CARS1: variants seen among roughly 807,000 people sequenced by gnomAD.
CARS1 encodes cysteine--tRNA ligase, cytoplasmic.
Under a neutral mutation model 106.2 loss-of-function variants are expected in CARS1, and 48 were observed. The ratio of observed to expected loss-of-function variants is 0.45; its 90% CI spans 0.36 to 0.57. The LOEUF (loss-of-function observed/expected upper bound fraction) is 0.57. Ranked by LOEUF, CARS1 falls within the 20% of genes least tolerant of loss-of-function variation. The probability of loss-of-function intolerance (pLI) is 0.00; values close to 1 mark genes in which losing one functional copy is unlikely to be tolerated. For synonymous variants in CARS1, 409 were observed against 403.4 expected, an observed-to-expected ratio of 1.01 and a Z score of -0.17; for missense variants, 968 against 1,057.2, an observed-to-expected ratio of 0.92 and a Z score of 1.17.
At position 3,041,945 on chromosome 11, in the gene CARS1, G is replaced by A. The variant is rs911182085; in HGVS notation, c.366+220C>T. Among the ~76,000 whole-genome samples, 2 of 152,202 alleles carry A rather than the reference G, an allele frequency of 1.3e-5. No individual in the cohort carries two copies. Among genetic ancestry groups the A allele is most frequent in the African/African-American group, 2.4e-5 (1 of 41,444 alleles). On this transcript the variant is annotated intron_variant, in intron 3 of 22. Coordinates refer to ENST00000380525, the MANE Select transcript of CARS1 (RefSeq NM_001014437.3). The surrounding 1 kb of genome is among the most constrained non-coding windows in gnomAD (Gnocchi z 4.9). ...AGTCATGGGCAGGCTTCCACATGAG[G>A]CATGATACTTCACGTGTCTGGGTTT...
intron 10 of CARS1, among the ~76,000 whole-genome samples, chr11:3,026,352 C>T (rs1484635770): frequency 2.0e-5 from 3 of 152,120 alleles, no homozygotes; most frequent in Non-Finnish European, 2.9e-5. Flanking sequence ...TGGAACATTC[C>T]CAATGCAAAG....
intron 10 of CARS1, among the ~76,000 whole-genome samples, chr11:3,024,475 T>C (rs1167752148): frequency 2.6e-5 from 4 of 152,118 alleles, no homozygotes; most frequent in Admixed American, 2.0e-4. Context: ...TGAGACAGAG[T>C]CTTGCTCTGT....
Position 3,022,865 on chromosome 11 carries a change from T to C in CARS1, c.1154-2533A>G, listed in dbSNP as rs2134165500. On this transcript the variant is annotated intron_variant, in intron 10 of 22. Transcript: ENST00000380525. This position sits in a 1 kb window ranked among gnomAD's most constrained non-coding sequence, Gnocchi z 4.9. ...CACCCCTCCCCTTTTCCTCTACCAT[T>C]AGAGTCCCCATGGCGAGGAGCACAT... Among the ~76,000 whole-genome samples the C allele has an allele frequency of 6.6e-6, 1 of 152,232 alleles. No homozygotes were observed. The highest frequency in any genetic ancestry group is 1.9e-4 in the East Asian group (1 of 5,160).
rs572460147 is a variant in CARS1 at position 3,034,157 on chromosome 11, G to A, written c.801+3893C>T. Among the ~76,000 whole-genome samples the A allele has an allele frequency of 9.9e-5, 15 of 151,048 alleles. No individual in the cohort carries two copies. In the South Asian group the frequency reaches 1.3e-3, roughly 13 times the overall value. On this transcript the variant is annotated intron_variant, in intron 7 of 22. Transcript: ENST00000380525. The surrounding 1 kb of genome is among the most constrained non-coding windows in gnomAD (Gnocchi z 6.3). The stretch of plus-strand genomic sequence containing the variant: ...GCCAACATGTAACAGAGATGAATTC[G>A]TGTCTTAGTCTGTTTTCTGTTTTTT...
rs16929039 is a variant in CARS1 at position 3,022,747 on chromosome 11, G to C, written c.1154-2415C>G. ...AGGCCTTCCTGCCACGTGCCTTCCC[G>C]AGTGGTCTGCATGGCCCATCTGCCT... On this transcript the variant is annotated intron_variant, in intron 10 of 22. Transcript: ENST00000380525. The surrounding 1 kb of genome is among the most constrained non-coding windows in gnomAD (Gnocchi z 4.9). Among the ~76,000 whole-genome samples the C allele has an allele frequency of 0.099, 14,999 of 152,208 alleles. 841 individuals carry two copies. Among genetic ancestry groups the C allele is most frequent in the African/African-American group, 0.14 (5,685 of 41,496 alleles).
intron 1 of CARS1, among the ~76,000 whole-genome samples, chr11:3,049,729 G>A (rs1855466478): frequency 6.6e-6 from 1 of 152,196 alleles, no homozygotes; most frequent in Admixed American, 6.5e-5. Context: ...TCACAGCCAT[G>A]GGGCGTGGAT....
chr11:3,047,596 G>A (rs552171743), intron 2 of CARS1, among the ~76,000 whole-genome samples, 157 bp downstream of exon 2: 26 of 152,334 alleles, frequency 1.7e-4, no homozygotes, highest in African/African-American at 5.8e-4. Flanking sequence ...TCCAGCAAGC[G>A]CTGCATCTGC....
chr11:3,037,984 G>T lies in CARS1; in HGVS notation c.801+66C>A. ...TCTGTGGAATCAATCCGTGCACACA[G>T]ATCAGTCTATGCACGGCCCGACATT... On this transcript the variant is annotated intron_variant, in intron 7 of 22. Coordinates refer to ENST00000380525, the MANE Select transcript of CARS1 (RefSeq NM_001014437.3). This position sits in a 1 kb window ranked among gnomAD's most constrained non-coding sequence, Gnocchi z 5.9. 2.1e-6 allele frequency: 3 copies of T among 1,449,156 alleles called. No individual in the cohort carries two copies. The highest frequency in any genetic ancestry group is 1.2e-5 in the South Asian group (1 of 82,908). 89.8% of individuals were successfully genotyped at this position (1,449,156 alleles called of 1,614,324 possible). A position where few individuals can be genotyped will look rare whatever the true frequency, so the allele number is the denominator to read the frequency against.
intron 7 of CARS1, among the ~76,000 whole-genome samples, chr11:3,033,639 C>T (rs1425523329): frequency 6.6e-6 from 1 of 151,866 alleles, no homozygotes; most frequent in East Asian, 1.9e-4. Flanking sequence ...AGCTAAACTG[C>T]TAAATGAGAC....
chr11:3,056,372 G>A (rs1406487446), intron 1 of CARS1, among the ~76,000 whole-genome samples: 1 of 152,216 alleles, frequency 6.6e-6, no homozygotes, highest in Non-Finnish European at 1.5e-5. Flanking sequence ...TTAGGAATCT[G>A]GGCTTTCTGA....
chr11:3,017,546 G>GGC lies in CARS1; in HGVS notation c.1728-253_1728-252dup, dbSNP rs1490890680. The GGC allele has an allele frequency of 1.8e-6, 1 of 559,890 alleles. No individual in the cohort carries two copies. The highest frequency in any genetic ancestry group is 2.9e-5 in the East Asian group (1 of 34,468). The allele number at this position is 559,890 out of a possible 1,614,324, so 34.7% of individuals were successfully genotyped here. On this transcript the variant is annotated intron_variant, in intron 15 of 22. Transcript: ENST00000380525. This position sits in a 1 kb window ranked among gnomAD's most constrained non-coding sequence, Gnocchi z 4.9. Reference sequence around the variant, plus strand: ...TAACCCCAGCTACTCGGGAGGCTGAGGCAGGAGAATCGCTCGAACCCGGGA... The same window carrying GGC: ...TAACCCCAGCTACTCGGGAGGCTGAGGCGCAGGAGAATCGCTCGAACCCGGGA...
rs1854684110 is a variant in CARS1, at chr11:3,043,018, T to C, written c.275-762A>G. Among the ~76,000 whole-genome samples, 1 of 152,138 alleles carries C rather than the reference T, an allele frequency of 6.6e-6. No individual in the cohort carries two copies. The highest frequency in any genetic ancestry group is 1.5e-5 in the Non-Finnish European group (1 of 68,008). ...CAGACACTGGGCTTCAAGCTCCACA[T>C]AGGTCTATACTGCCTTCATAAATAA... On this transcript the variant is annotated intron_variant, in intron 2 of 22. Coordinates refer to ENST00000380525, the MANE Select transcript of CARS1 (RefSeq NM_001014437.3). This position sits in a 1 kb window ranked among gnomAD's most constrained non-coding sequence, Gnocchi z 4.0.
chr11:3,017,371 A>T lies in CARS1; in HGVS notation c.1728-76T>A, dbSNP rs114108110. 6.2e-4 allele frequency: 839 copies of T among 1,343,754 alleles called. 4 individuals are homozygous for T. The African/African-American group carries it at 0.011, about 18-fold the overall frequency. The allele number at this position is 1,343,754 out of a possible 1,614,324, so 83.2% of individuals were successfully genotyped here. On this transcript the variant is annotated intron_variant, in intron 15 of 22. Coordinates refer to ENST00000380525, the MANE Select transcript of CARS1 (RefSeq NM_001014437.3). This position sits in a 1 kb window ranked among gnomAD's most constrained non-coding sequence, Gnocchi z 4.9. The stretch of plus-strand genomic sequence containing the variant: ...AGAAATTCCCCATGTGGCCAGGCGC[A>T]GTGGCTCACGCCTATAATCCCAGCA...
chr11:3,040,118 T>A lies in CARS1; in HGVS notation c.456-187A>T, dbSNP rs1304622300. On this transcript the variant is annotated intron_variant, in intron 4 of 22. Coordinates refer to ENST00000380525, the MANE Select transcript of CARS1 (RefSeq NM_001014437.3). The surrounding 1 kb of genome is among the most constrained non-coding windows in gnomAD (Gnocchi z 5.8). ...AAGATGGCAAGGATGATGACCTTTA[T>A]AATGATCCACTTCCACCTAATGAAT... 4 of 532,504 alleles carry A rather than the reference T, an allele frequency of 7.5e-6. No homozygotes were observed. In the East Asian group the frequency reaches 1.3e-4, roughly 17 times the overall value. The allele number at this position is 532,504 out of a possible 1,614,324, so 33.0% of individuals were successfully genotyped here. A position where few individuals can be genotyped will look rare whatever the true frequency, so the allele number is the denominator to read the frequency against.
At chr11:3,035,044 C>T (rs768691850) in intron 7 of CARS1, among the ~76,000 whole-genome samples, 22 of 152,102 alleles carry the variant, frequency 1.4e-4, no homozygotes, top group Non-Finnish European at 3.1e-4. Flanking sequence ...AACTACCCCA[C>T]TTCTGTGATA....
At position 3,029,499 on chromosome 11, in the gene CARS1, T is replaced by G. The variant is rs555085458; in HGVS notation, c.802-56A>C. The G allele has an allele frequency of 4.7e-5, 74 of 1,591,020 alleles. No individual in the cohort carries two copies. The highest frequency in any genetic ancestry group is 6.3e-5 in the Non-Finnish European group (74 of 1,168,152). On this transcript the variant is annotated intron_variant, in intron 7 of 22. Transcript: ENST00000380525. This position sits in a 1 kb window ranked among gnomAD's most constrained non-coding sequence, Gnocchi z 5.9. The stretch of plus-strand genomic sequence containing the variant: ...GGGCCACACACTTCACATGAGAACA[T>G]CTCGTGCAGCTGGTGTGAGCCCATC...
At position 3,041,182 on chromosome 11, in the gene CARS1, C is replaced by A; in HGVS notation, c.367-198G>T. On this transcript the variant is annotated intron_variant, in intron 3 of 22. Coordinates refer to ENST00000380525, the MANE Select transcript of CARS1 (RefSeq NM_001014437.3). The surrounding 1 kb of genome is among the most constrained non-coding windows in gnomAD (Gnocchi z 4.9). Reference sequence around the variant, plus strand: ...TGTACGGCACCTCCCACCAACTGAGCCCTGGGTGGGTGGGGCCTCTTCCTC... The same window carrying A: ...TGTACGGCACCTCCCACCAACTGAGACCTGGGTGGGTGGGGCCTCTTCCTC... The A allele has an allele frequency of 1.4e-6, 1 of 697,252 alleles. No homozygotes were observed. Among genetic ancestry groups the A allele is most frequent in the South Asian group, 2.1e-5 (1 of 48,246 alleles). The allele number at this position is 697,252 out of a possible 1,614,324, so 43.2% of individuals were successfully genotyped here.
At position 3,022,863 on chromosome 11, in the gene CARS1, A is replaced by G. The variant is rs893590382; in HGVS notation, c.1154-2531T>C. On this transcript the variant is annotated intron_variant, in intron 10 of 22. Coordinates refer to ENST00000380525, the MANE Select transcript of CARS1 (RefSeq NM_001014437.3). This position sits in a 1 kb window ranked among gnomAD's most constrained non-coding sequence, Gnocchi z 4.9. ...ATCACCCCTCCCCTTTTCCTCTACC[A>G]TTAGAGTCCCCATGGCGAGGAGCAC... 1.2e-4 allele frequency among the ~76,000 whole-genome samples: 19 copies of G among 152,026 alleles called. No homozygotes were observed. Among genetic ancestry groups the G allele is most frequent in the African/African-American group, 4.6e-4 (19 of 41,394 alleles).
At chr11:3,047,711 G>C in intron 2 of CARS1, 42 bp downstream of exon 2, 16 of 1,573,536 alleles carry the variant, frequency 1.0e-5, no homozygotes, top group Non-Finnish European at 1.3e-5. Flanking sequence ...TTGACCTTGG[G>C]AGAGAGGTTC....
Sources: allele counts gnomAD v4.1 joint callset (sites outside exome capture counted in the v4.1 genomes callset), GRCh38; gene constraint gnomAD v4.1.1; non-coding constraint Gnocchi (gnomAD v3.1); transcripts MANE v1.5; gene names NCBI Gene and HGNC (gene_info 2026-07-23, HGNC 2026-07-21).